GRIA2: variants seen among roughly 807,000 people sequenced by gnomAD.
GRIA2 encodes glutamate ionotropic receptor AMPA type subunit 2, also known as glutamate receptor 2.
A neutral mutation model predicts 97.3 loss-of-function variants in GRIA2; 14 were observed. The ratio of observed to expected loss-of-function variants is 0.14; its 90% confidence interval spans 0.10 to 0.23. The LOEUF is 0.23. Ranked by LOEUF, GRIA2 falls within the 10% of genes least tolerant of loss-of-function variation. GRIA2 has a pLI of 1.00. For synonymous variants in GRIA2, 412 were observed against 387.8 expected, an observed-to-expected ratio of 1.06 and a Z score of -0.73; for missense variants, 558 against 1,069.8, an observed-to-expected ratio of 0.52 and a Z score of 6.67.
chr4:157,250,877 C>T (rs1730989632), intron 2 of GRIA2, among the ~76,000 whole-genome samples: 1 of 152,054 alleles, frequency 6.6e-6, no homozygotes, highest in African/African-American at 2.4e-5. Context: ...ATGGTATTAG[C>T]ACAGTTACTA....
chr4:157,310,478 A>G (rs2126881509), intron 3 of GRIA2, among the ~76,000 whole-genome samples: 1 of 152,180 alleles, frequency 6.6e-6, no homozygotes, highest in Non-Finnish European at 1.5e-5. Flanking sequence ...CACTCTTAAC[A>G]TGGCTTTATT....
chr4:157,329,013 T>C (rs1418165888), intron 6 of GRIA2, among the ~76,000 whole-genome samples: 1 of 151,972 alleles, frequency 6.6e-6, no homozygotes, highest in African/African-American at 2.4e-5. Context: ...ACATATTCAA[T>C]ATGCTTTACA....
chr4:157,363,270 G>C (rs1361621426), intron 15 of GRIA2, 165 bp from the exon 16 acceptor site: 4 of 602,324 alleles, frequency 6.6e-6, no homozygotes, highest in Non-Finnish European at 1.1e-5. Context: ...TGCCATAATT[G>C]TGCTTTATTA....
At chr4:157,254,838 G>A (rs548830580) in intron 2 of GRIA2, among the ~76,000 whole-genome samples, 5 of 151,966 alleles carry the variant, frequency 3.3e-5, no homozygotes, top group African/African-American at 4.8e-5. Context: ...TGAATTTAAC[G>A]TACCTGGTCA....
chr4:157,360,650 T>A, intron 13 of GRIA2: 1 of 468,572 alleles, frequency 2.1e-6, no homozygotes, highest in Middle Eastern at 3.2e-4. Context: ...TTTGCACACA[T>A]CTCTTTACTA....
intron 3 of GRIA2, 30 bp downstream of exon 3, chr4:157,303,821 T>C (rs1733723003): frequency 6.2e-7 from 1 of 1,607,670 alleles, no homozygotes; most frequent in Admixed American, 1.7e-5. Flanking sequence ...CTCTTTGTAA[T>C]GGGGCGAATT....
intron 4 of GRIA2, among the ~76,000 whole-genome samples, chr4:157,315,520 TTTG>T (rs1270313475): frequency 7.3e-6 from 1 of 136,800 alleles, no homozygotes; most frequent in South Asian, 2.2e-4. Flanking sequence ...TTTTTTTTTG[TTTG>T]TTTGTTTGTT....
At chr4:157,237,908 T>A (rs1271851290) in intron 2 of GRIA2, among the ~76,000 whole-genome samples, 1 of 152,148 alleles carries the variant, frequency 6.6e-6, no homozygotes, top group Non-Finnish European at 1.5e-5. Context: ...TTAACCTATA[T>A]CAAGATTTAA....
At chr4:157,351,792 C>G (rs1736021263) in intron 12 of GRIA2, among the ~76,000 whole-genome samples, 1 of 152,180 alleles carries the variant, frequency 6.6e-6, no homozygotes, top group African/African-American at 2.4e-5. Flanking sequence ...TTACCCTTTG[C>G]TCCATACTTC....
chr4:157,229,468 A>G (rs183046116), intron 2 of GRIA2, among the ~76,000 whole-genome samples: 45 of 152,332 alleles, frequency 3.0e-4, no homozygotes, highest in African/African-American at 1.1e-3. Context: ...CTTCAGCTGA[A>G]TAGAACAAAT....
At chr4:157,333,225 G>T (rs750882182) in intron 7 of GRIA2, 24 bp from the exon 8 acceptor site, 1 of 1,333,322 alleles carries the variant, frequency 7.5e-7, no homozygotes, top group South Asian at 1.3e-5. Flanking sequence ...ATATAACTCT[G>T]CTGCTTTCCC....
chr4:157,312,627 C>A (rs375309911), intron 3 of GRIA2, 52 bp from the exon 4 acceptor site: 2 of 1,004,910 alleles, frequency 2.0e-6, no homozygotes, highest in Non-Finnish European at 2.9e-6. Flanking sequence ...ATAACACAAT[C>A]CTGAGTTATT....
chr4:157,231,669 T>C (rs1347327807), intron 2 of GRIA2, among the ~76,000 whole-genome samples: 1 of 152,204 alleles, frequency 6.6e-6, no homozygotes, highest in Non-Finnish European at 1.5e-5. Flanking sequence ...GAATGTGTCA[T>C]AGTAAAGTTG....
intron 2 of GRIA2, among the ~76,000 whole-genome samples, chr4:157,297,653 GT>G (rs1326981330): frequency 6.6e-6 from 1 of 152,088 alleles, no homozygotes; most frequent in Non-Finnish European, 1.5e-5. Flanking sequence ...TAGAGCTGCT[GT>G]TTCTGAGGTC....
In GRIA2 at chr4:157,332,545, T is replaced by G. The variant is rs191167241; in HGVS notation, c.883-274T>G. Among the ~76,000 whole-genome samples, 138 of 148,524 alleles carry G rather than the reference T, an allele frequency of 9.3e-4. 1 individual carries two copies. The East Asian group carries it at 0.014, about 15-fold the overall frequency. On this transcript the variant is annotated intron_variant, in intron 6 of 15. Transcript: ENST00000264426. Reference sequence around the variant, plus strand: ...CAGGTTAGAAAAAAAAAAAGAAAAATAAACACTGACACAATTATTATGAAA... The same window carrying G: ...CAGGTTAGAAAAAAAAAAAGAAAAAGAAACACTGACACAATTATTATGAAA...
chr4:157,280,455 T>G (rs1732543748), intron 2 of GRIA2, among the ~76,000 whole-genome samples: 1 of 152,162 alleles, frequency 6.6e-6, no homozygotes, highest in Admixed American at 6.6e-5. Flanking sequence ...AATTATATAT[T>G]ACTGCACATA....
In GRIA2 at chr4:157,332,821, T is replaced by C. The variant is rs762882361; in HGVS notation, c.885T>C (p.Tyr295=). The part of the protein sequence containing the change: ...YPGAHTTTIK[Y]TSALTYDAVQ... ...GAAATGTGTGTGATCCTTTGCAGTA[T>C]ACTTCTGCTCTGACCTATGATGCCG... Residue 295 remains tyrosine (Y), a splice_region_variant and synonymous_variant, in exon 7 of 16, where the codon TAT becomes TAC. Transcript: ENST00000264426. 1 of 1,609,478 alleles carries C rather than the reference T, an allele frequency of 6.2e-7. No individual in the cohort carries two copies. Among genetic ancestry groups the C allele is most frequent in the East Asian group, 2.2e-5 (1 of 44,830 alleles).
intron 2 of GRIA2, among the ~76,000 whole-genome samples, chr4:157,246,178 A>G (rs192764377): frequency 2.6e-4 from 40 of 152,180 alleles, no homozygotes; most frequent in Admixed American, 2.6e-3. Flanking sequence ...TTCAATATAC[A>G]GTTTATTTCT....
At chr4:157,318,192 G>A (rs1734409596) in intron 5 of GRIA2, among the ~76,000 whole-genome samples, 1 of 151,990 alleles carries the variant, frequency 6.6e-6, no homozygotes, top group Non-Finnish European at 1.5e-5. Context: ...AATATTTAAA[G>A]TTTAATTGTC....
Sources: gnomAD v4.1 joint callset for allele counts (sites outside exome capture counted in the v4.1 genomes callset) on GRCh38, gnomAD v4.1.1 for gene constraint, MANE v1.5 for transcripts, NCBI Gene and HGNC (gene_info 2026-07-23, HGNC 2026-07-21) for gene names.